Variants in MAP4K1 observed in about 807,000 individuals in gnomAD.
MAP4K1 encodes MAPK/ERK kinase kinase kinase 1.
In MAP4K1, 35 loss-of-function variants were observed where a neutral mutation model predicts 122.8. The observed-to-expected ratio is 0.29, with a 90% CI of 0.22 to 0.38. The LOEUF (loss-of-function observed/expected upper bound fraction) is 0.38, where lower values mean the gene tolerates loss of function less well. MAP4K1 is among the 10% of genes least tolerant of loss of function. MAP4K1 has a pLI of 1.00. For synonymous variants in MAP4K1, 412 were observed against 421.3 expected (o/e 0.98, Z 0.27); for missense variants, 791 against 1,072.6 (o/e 0.74, Z 3.67).
rs747066141 is a variant in MAP4K1, at chr19:38,597,164, G to A, written c.1838-27C>T. On this transcript the variant is annotated intron_variant, in intron 24 of 30. Transcript: ENST00000396857. The surrounding 1 kb of genome is among the most constrained non-coding windows in gnomAD (Gnocchi z 4.6). ...TGTGGCATGGGCAAGGATGAGTCAA[G>A]ATCAATGCCCTCTATCCTCCTCGCC... The A allele has an allele frequency of 6.2e-7, 1 of 1,610,056 alleles. No homozygotes were observed. Among genetic ancestry groups the A allele is most frequent in the Admixed American group, 1.7e-5 (1 of 59,998 alleles).
intron 25 of MAP4K1, among the ~76,000 whole-genome samples, 196 bp from the exon 26 acceptor site, chr19:38,596,682 T>C (rs553447528): frequency 1.4e-4 from 22 of 152,068 alleles, no homozygotes; most frequent in Admixed American, 6.5e-4. Flanking sequence ...GTGGCTTCCA[T>C]GTGGGGGCAT....
chr19:38,616,117 CG>C, intron 4 of MAP4K1, 77 bp downstream of exon 4: 1 of 1,016,394 alleles, frequency 9.8e-7, no homozygotes, highest in Non-Finnish European at 1.4e-6. Flanking sequence ...CACACAGAGA[CG>C]GAAGAGGTGA....
intron 19 of MAP4K1, among the ~76,000 whole-genome samples, chr19:38,602,172 C>T (rs971898342): frequency 6.6e-6 from 1 of 152,094 alleles, no homozygotes; most frequent in East Asian, 1.9e-4. Flanking sequence ...ACCTCCTGGG[C>T]TCAAGCAATT....
At chr19:38,603,070 ATACATATATACACATG>A (rs1347440808) in intron 19 of MAP4K1, among the ~76,000 whole-genome samples, 7,904 of 136,254 alleles carry the variant, frequency 0.058, 671 homozygotes, top group South Asian at 0.11. Context: ...ATATACACAT[ATACATATATACACATG>A]TACATATATA....
chr19:38,605,419 A>G lies in MAP4K1; in HGVS notation c.1436T>C (p.Met479Thr). 1 of 1,595,954 alleles carries G rather than the reference A, an allele frequency of 6.3e-7. No individual in the cohort carries two copies. ...AGAGCTGAACCTCACCTTTCTCTTCATCTTTTCCTTCTTGGGGGGCAGAAG... is the reference window on the plus strand; with the variant it reads ...AGAGCTGAACCTCACCTTTCTCTTCGTCTTTTCCTTCTTGGGGGGCAGAAG... Reference protein sequence around the residue: ...PPLLPPKKEKMKRKGCALLVK... With the variant: ...PPLLPPKKEKTKRKGCALLVK... Residue 479 changes from methionine (M) to threonine (T), a missense_variant, in exon 19 of 31, where the codon ATG (methionine) becomes ACG (threonine). Met to Thr is a moderately conservative substitution (Grantham distance 81, BLOSUM62 -1). Coordinates refer to ENST00000396857, the MANE Select transcript of MAP4K1 (RefSeq NM_001042600.3).
At chr19:38,590,433 A>G (rs1248328139) in intron 30 of MAP4K1, among the ~76,000 whole-genome samples, 1 of 125,910 alleles carries the variant, frequency 7.9e-6, no homozygotes, top group Non-Finnish European at 1.6e-5. Flanking sequence ...ATATATATAT[A>G]TATAATCACG....
intron 16 of MAP4K1, among the ~76,000 whole-genome samples, chr19:38,606,657 G>A (rs1421180989): frequency 6.6e-6 from 1 of 152,034 alleles, no homozygotes; most frequent in Non-Finnish European, 1.5e-5. Context: ...ATGAGTTTGA[G>A]ACCAGCCTGG....
At chr19:38,599,851 G>A (rs551582523) in intron 22 of MAP4K1, 74 bp downstream of exon 22, 41 of 1,410,994 alleles carry the variant, frequency 2.9e-5, no homozygotes, top group Middle Eastern at 3.5e-4. Context: ...AGCTGTGCCC[G>A]TCTACTTCCC....
intron 4 of MAP4K1, 27 bp from the exon 5 acceptor site, chr19:38,614,472 G>A (rs576885332): frequency 6.2e-7 from 1 of 1,613,538 alleles, no homozygotes; most frequent in African/African-American, 1.3e-5. Context: ...GGCCAGGCCA[G>A]GCATTGGATG....
chr19:38,603,716 G>T (rs188839933), intron 19 of MAP4K1, among the ~76,000 whole-genome samples: 61 of 152,184 alleles, frequency 4.0e-4, no homozygotes, highest in African/African-American at 1.4e-3. Flanking sequence ...GGGCGCGGTG[G>T]CTCACGCCTG....
rs1239104189 is a variant in MAP4K1, at chr19:38,596,335, C to A, written c.2093G>T (p.Cys698Phe). The change falls in exon 26 of 31, where the codon TGC (cysteine) becomes TTC (phenylalanine). Residue 698 changes from cysteine to phenylalanine, a missense_variant. Transcript: ENST00000396857. The part of the protein sequence containing the change: ...FHTVRFGALS[C>F]WLGEMSTEHR... ...ACCGGTGCTCATCTCGCCCAGCCAGCAAGAGAGCGCGCCAAAGCGCACCGT... is the reference window on the plus strand; with the variant it reads ...ACCGGTGCTCATCTCGCCCAGCCAGAAAGAGAGCGCGCCAAAGCGCACCGT... 1 of 1,596,648 alleles carries A rather than the reference C, an allele frequency of 6.3e-7. No individual in the cohort carries two copies. Among genetic ancestry groups the A allele is most frequent in the African/African-American group, 1.3e-5 (1 of 74,756 alleles).
rs1199672457 is a variant in MAP4K1, at chr19:38,604,090, C to T, written c.1446+1319G>A. 2.1e-5 allele frequency among the ~76,000 whole-genome samples: 3 copies of T among 139,958 alleles called. No individual in the cohort carries two copies. The East Asian group carries it at 6.2e-4, about 29-fold the overall frequency. The allele number at this position is 139,958 out of a possible 152,430, so 91.8% of individuals were successfully genotyped here. A position where few individuals can be genotyped will look rare whatever the true frequency, so the allele number is the denominator to read the frequency against. ...GCAGTGAGCCATGATCGCGCCACTG[C>T]ACTCCAGCAGCCTGGGCGACAGAGC... On this transcript the variant is annotated intron_variant, in intron 19 of 30. Coordinates refer to ENST00000396857, the MANE Select transcript of MAP4K1 (RefSeq NM_001042600.3).
At chr19:38,604,128 CAA>C (rs200072842) in intron 19 of MAP4K1, among the ~76,000 whole-genome samples, 264 of 53,424 alleles carry the variant, frequency 4.9e-3, no homozygotes, top group African/African-American at 0.015. Context: ...GATACTATCT[CAA>C]AAAAAAAAAA....
chr19:38,609,761 C>T (rs1975439903), intron 12 of MAP4K1, 87 bp from the exon 13 acceptor site: 2 of 1,361,502 alleles, frequency 1.5e-6, no homozygotes, highest in African/African-American at 1.4e-5. Flanking sequence ...CTCCTGTAAC[C>T]CTCTGGGCAC....
chr19:38,610,407 A>G (rs1468173483), intron 11 of MAP4K1, among the ~76,000 whole-genome samples: 1 of 97,556 alleles, frequency 1.0e-5, no homozygotes, highest in Non-Finnish European at 1.9e-5. Flanking sequence ...TTTTTTTGAG[A>G]CAGGGTCTCG....
rs1163055879 is a variant in MAP4K1, at chr19:38,590,394, AATATAT to A, written c.2397-2583_2397-2578del. ...ACCAGAAAAAAAAAAAAAAAAAAAA[AATATAT>A]ATATATATATATATATATATATATA... On this transcript the variant is annotated intron_variant, in intron 30 of 30. Transcript: ENST00000396857. Among the ~76,000 whole-genome samples, 110 of 17,244 alleles carry A rather than the reference AATATAT, an allele frequency of 6.4e-3. 4 individuals carry two copies. The highest frequency in any genetic ancestry group is 0.02 in the East Asian group (5 of 254). 11.3% of individuals were successfully genotyped at this position (17,244 alleles called of 152,430 possible). A position where few individuals can be genotyped will look rare whatever the true frequency, so the allele number is the denominator to read the frequency against.
chr19:38,600,258 C>G, intron 20 of MAP4K1, 105 bp from the exon 21 acceptor site: 1 of 902,244 alleles, frequency 1.1e-6, no homozygotes, highest in Non-Finnish European at 1.8e-6. Context: ...CAGCTCTGAC[C>G]CTCTATTCTT....
chr19:38,607,585 A>G (rs1356910942), intron 16 of MAP4K1, among the ~76,000 whole-genome samples: 4 of 147,580 alleles, frequency 2.7e-5, no homozygotes, highest in Non-Finnish European at 4.5e-5. Flanking sequence ...AAAAAAGAAG[A>G]AGGTGGAAGG....
chr19:38,605,782 G>GTCCCTTT, intron 17 of MAP4K1, 52 bp from the exon 18 acceptor site: 1 of 1,554,728 alleles, frequency 6.4e-7, no homozygotes, highest in Non-Finnish European at 8.7e-7. Context: ...ATCTCAGAGA[G>GTCCCTTT]GGCACCCTTT....
Sources: allele counts gnomAD v4.1 joint callset (sites outside exome capture counted in the v4.1 genomes callset), GRCh38; gene constraint gnomAD v4.1.1; non-coding constraint Gnocchi (gnomAD v3.1); transcripts MANE v1.5; gene names NCBI Gene and HGNC (gene_info 2026-07-23, HGNC 2026-07-21).